The following SEMA6D variants were observed in gnomAD, a reference collection of about 807,000 sequenced individuals.
SEMA6D encodes semaphorin-6D.
Under a neutral mutation model 106.6 loss-of-function variants are expected in SEMA6D, and 35 were observed. The ratio of observed to expected loss-of-function variants is 0.33; its 90% CI spans 0.25 to 0.44. The LOEUF (loss-of-function observed/expected upper bound fraction) is 0.44. Among genes scored for constraint, SEMA6D ranks in the 20% least tolerant of loss-of-function variants. SEMA6D has a pLI of 1.00. For synonymous variants in SEMA6D, 499 were observed against 487.7 expected, an observed-to-expected ratio of 1.02 and a Z score of -0.31; for missense variants, 1,185 against 1,345.9, an observed-to-expected ratio of 0.88 and a Z score of 1.87.
chr15:47,296,635 G>A (rs939087195), intron 1 of SEMA6D, among the ~76,000 whole-genome samples: 1 of 152,182 alleles, frequency 6.6e-6, no homozygotes, highest in Non-Finnish European at 1.5e-5. Context: ...TGTTTTAACT[G>A]GGGATTCCTT....
intron 1 of SEMA6D, among the ~76,000 whole-genome samples, chr15:47,364,759 C>T (rs2038950931): frequency 6.6e-6 from 1 of 151,798 alleles, no homozygotes; most frequent in Admixed American, 6.6e-5. Context: ...CCCCTACTGC[C>T]ACCCTCCTCC....
intron 1 of SEMA6D, chr15:47,731,037 T>C (rs2146675776): frequency 1.7e-6 from 1 of 587,136 alleles, no homozygotes; most frequent in Non-Finnish European, 3.0e-6. Flanking sequence ...ACTTCATGAA[T>C]GTGCATGTAG....
intron 1 of SEMA6D, among the ~76,000 whole-genome samples, chr15:47,305,726 C>A (rs2036206021): frequency 6.6e-6 from 1 of 152,202 alleles, no homozygotes; most frequent in African/African-American, 2.4e-5. Context: ...ATTGCATGTT[C>A]TGACCTTTTC....
At chr15:47,326,005 G>T (rs1182985445) in intron 1 of SEMA6D, among the ~76,000 whole-genome samples, 2 of 152,200 alleles carry the variant, frequency 1.3e-5, no homozygotes. Flanking sequence ...GGAAATTTCA[G>T]AAAAGTGCCT....
chr15:47,642,935 ATGGAG>A (rs1335957846), intron 4 of SEMA6D, among the ~76,000 whole-genome samples: 9 of 152,020 alleles, frequency 5.9e-5, no homozygotes, highest in African/African-American at 2.2e-4. Context: ...AGGGATTGCA[ATGGAG>A]AGTAAGATAG....
chr15:47,740,310 A>G (rs2080728829), intron 1 of SEMA6D, among the ~76,000 whole-genome samples: 1 of 152,106 alleles, frequency 6.6e-6, no homozygotes, highest in Non-Finnish European at 1.5e-5. Context: ...CAGCAGGTCA[A>G]GAGATCGAGA....
At chr15:47,445,889 G>A (rs1412516757) in intron 2 of SEMA6D, among the ~76,000 whole-genome samples, 2 of 152,022 alleles carry the variant, frequency 1.3e-5, no homozygotes, top group East Asian at 3.9e-4. Flanking sequence ...GCTCACCTCG[G>A]ACGCAGTTAC....
chr15:47,299,900 G>A (rs2035951621), intron 1 of SEMA6D, among the ~76,000 whole-genome samples: 1 of 134,474 alleles, frequency 7.4e-6, no homozygotes, highest in Non-Finnish European at 1.6e-5. Context: ...GAATTAGTGT[G>A]GAGAATTATT....
intron 1 of SEMA6D, among the ~76,000 whole-genome samples, chr15:47,328,048 A>G (rs1358373081): frequency 3.9e-5 from 6 of 152,208 alleles, no homozygotes; most frequent in Non-Finnish European, 7.3e-5. Context: ...TTGAATCCAG[A>G]TGTGCTAGCT....
At chr15:47,439,311 T>C (rs1260443310) in intron 2 of SEMA6D, among the ~76,000 whole-genome samples, 1 of 152,142 alleles carries the variant, frequency 6.6e-6, no homozygotes, top group Admixed American at 6.6e-5. Flanking sequence ...ATTCTATTTT[T>C]AAAAGCGTAT....
At chr15:47,514,810 G>A (rs191405593) in intron 3 of SEMA6D, among the ~76,000 whole-genome samples, 1 of 152,216 alleles carries the variant, frequency 6.6e-6, no homozygotes, top group East Asian at 1.9e-4. Context: ...CCTTTACAAT[G>A]GTCAGAAATC....
chr15:47,321,015 A>G (rs2036901313), intron 1 of SEMA6D, among the ~76,000 whole-genome samples: 1 of 152,176 alleles, frequency 6.6e-6, no homozygotes, highest in South Asian at 2.1e-4. Flanking sequence ...GTAGCTTGAT[A>G]CTTATATACA....
chr15:47,400,178 AGCGAACACACT>A (rs1232931968), intron 1 of SEMA6D, among the ~76,000 whole-genome samples: 2 of 152,198 alleles, frequency 1.3e-5, no homozygotes, highest in African/African-American at 2.4e-5. Flanking sequence ...GCTACTTCCC[AGCGAACACACT>A]GTAGAAATCC....
intron 4 of SEMA6D, chr15:47,600,917 C>T (rs903590419): frequency 2.0e-5 from 3 of 152,014 alleles, no homozygotes; most frequent in African/African-American, 7.2e-5. Context: ...TACTGTTCTC[C>T]AATTTGTTGG....
intron 4 of SEMA6D, among the ~76,000 whole-genome samples, chr15:47,611,148 TACACACAC>T (rs71432248): frequency 0.25 from 35,008 of 141,564 alleles, 4,490 homozygotes; most frequent in East Asian, 0.45. Context: ...CCGTCCTACA[TACACACAC>T]ACACACACAC....
Position 47,217,002 on chromosome 15 carries a change from C to T in SEMA6D, c.-239+32584C>T, listed in dbSNP as rs77154097. On this transcript the variant is annotated intron_variant, in intron 1 of 19. Transcript: ENST00000558014. The stretch of plus-strand genomic sequence containing the variant: ...TTTGGGAAGTGATTAGGTCATGAGA[C>T]CCAGAAGATACCTCTTCCATATAAA... 3.2e-4 allele frequency among the ~76,000 whole-genome samples: 48 copies of T among 152,198 alleles called. 1 individual carries two copies. In the East Asian group the frequency reaches 9.1e-3, roughly 29 times the overall value.
At chr15:47,733,170 A>G (rs2080236774) in intron 1 of SEMA6D, among the ~76,000 whole-genome samples, 3 of 152,212 alleles carry the variant, frequency 2.0e-5, no homozygotes, top group Admixed American at 2.0e-4. Context: ...TCTACTGAGG[A>G]CAGGTACCCA....
At chr15:47,633,909 A>G (rs1314554999) in intron 4 of SEMA6D, among the ~76,000 whole-genome samples, 1 of 152,040 alleles carries the variant, frequency 6.6e-6, no homozygotes, top group East Asian at 1.9e-4. Context: ...CCACTCTACT[A>G]CTGAGCCAAT....
chr15:47,467,468 G>A (rs1188057134), intron 2 of SEMA6D, among the ~76,000 whole-genome samples: 1 of 152,096 alleles, frequency 6.6e-6, no homozygotes, highest in Non-Finnish European at 1.5e-5. Context: ...TATACCCTGT[G>A]TATTCTCATT....
Sources: gnomAD v4.1 joint callset for allele counts (sites outside exome capture counted in the v4.1 genomes callset) on GRCh38, gnomAD v4.1.1 for gene constraint, MANE v1.5 for transcripts, NCBI Gene and HGNC (gene_info 2026-07-23, HGNC 2026-07-21) for gene names.